The following AMBRA1 variants were observed in gnomAD, a reference collection of about 807,000 sequenced individuals.
The protein encoded by AMBRA1 is autophagy and beclin 1 regulator 1.
A neutral mutation model predicts 125.4 loss-of-function variants in AMBRA1; 47 were observed. The ratio of observed to expected loss-of-function variants is 0.37; its 90% confidence interval spans 0.30 to 0.48. The LOEUF is 0.48. Among genes scored for constraint, AMBRA1 ranks in the 20% least tolerant of loss-of-function variants. AMBRA1 has a pLI of 0.99. For synonymous variants in AMBRA1, 626 were observed against 655.5 expected (o/e 0.95, Z 0.69); for missense variants, 1,331 against 1,693.4 (o/e 0.79, Z 3.76).
chr11:46,583,670 A>C (rs866919128), intron 1 of AMBRA1, among the ~76,000 whole-genome samples: 2,285 of 144,058 alleles, frequency 0.016, 118 homozygotes, highest in African/African-American at 0.057. Flanking sequence ...AAAAAAAAAA[A>C]AAAAAAAAAC....
At chr11:46,545,546 A>G in intron 5 of AMBRA1, 58 bp downstream of exon 5, 1 of 1,564,938 alleles carries the variant, frequency 6.4e-7, no homozygotes, top group South Asian at 1.2e-5. Flanking sequence ...CAGCCAGTAG[A>G]ATGTTCTCTA....
At chr11:46,455,179 A>C (rs1206419251) in intron 11 of AMBRA1, among the ~76,000 whole-genome samples, 2 of 152,112 alleles carry the variant, frequency 1.3e-5, no homozygotes, top group African/African-American at 4.8e-5. Flanking sequence ...AAGCCACTGC[A>C]CCCAGCATAG....
intron 1 of AMBRA1, among the ~76,000 whole-genome samples, chr11:46,554,591 T>G (rs1565291037): frequency 6.6e-6 from 1 of 152,124 alleles, no homozygotes; most frequent in East Asian, 1.9e-4. Flanking sequence ...AAGAAAAATA[T>G]TTGCTGTTGC....
intron 1 of AMBRA1, among the ~76,000 whole-genome samples, chr11:46,579,220 G>A (rs1347605980): frequency 2.0e-5 from 3 of 152,156 alleles, no homozygotes; most frequent in African/African-American, 2.4e-5. Flanking sequence ...CACTTTGGGA[G>A]GCTGAGGCAG....
chr11:46,442,762 C>A (rs746635538), intron 12 of AMBRA1, among the ~76,000 whole-genome samples: 63 of 152,132 alleles, frequency 4.1e-4, no homozygotes, highest in Non-Finnish European at 4.9e-4. Flanking sequence ...CATAGAATAT[C>A]TTAATTATTT....
At chr11:46,437,616 T>C (rs1313859477) in intron 12 of AMBRA1, among the ~76,000 whole-genome samples, 1 of 152,246 alleles carries the variant, frequency 6.6e-6, no homozygotes, top group African/African-American at 2.4e-5. Flanking sequence ...GAAAAGGAAA[T>C]GTTCAGTTAC....
Position 46,547,032 on chromosome 11 carries a change from C to A in AMBRA1, c.378+81G>T, listed in dbSNP as rs546142956. 1.5e-5 allele frequency: 20 copies of A among 1,378,912 alleles called. No individual in the cohort carries two copies. The East Asian group carries it at 4.5e-4, about 31-fold the overall frequency. 85.4% of individuals were successfully genotyped at this position (1,378,912 alleles called of 1,614,324 possible). ...GTTGCAGCGAGCCAAGATCACACCA[C>A]TGGGCAACAGAGCGAGACTCCGTCT... On this transcript the variant is annotated intron_variant, in intron 4 of 17. Transcript: ENST00000683756.
intron 11 of AMBRA1, among the ~76,000 whole-genome samples, chr11:46,479,817 C>CATG (rs1411487368): frequency 1.8e-4 from 27 of 152,150 alleles, no homozygotes; most frequent in Non-Finnish European, 1.3e-4. Flanking sequence ...ATGTGTGAAA[C>CATG]TATCTGTTAT....
At chr11:46,484,982 G>A (rs1950215118) in intron 11 of AMBRA1, among the ~76,000 whole-genome samples, 1 of 150,822 alleles carries the variant, frequency 6.6e-6, no homozygotes, top group Non-Finnish European at 1.5e-5. Flanking sequence ...TTGTCCCCCA[G>A]GCTGGAGTGC....
chr11:46,428,629 A>G (rs1471348423), intron 14 of AMBRA1: 5 of 1,579,020 alleles, frequency 3.2e-6, no homozygotes, highest in Middle Eastern at 2.3e-4. Flanking sequence ...AAGTTTATTC[A>G]ATGCAAAAGA....
chr11:46,401,208 T>C (rs1945739114), intron 17 of AMBRA1, among the ~76,000 whole-genome samples: 1 of 152,076 alleles, frequency 6.6e-6, no homozygotes, highest in Non-Finnish European at 1.5e-5. Flanking sequence ...CCTGCTGGCA[T>C]TGGAGTGCAC....
intron 14 of AMBRA1, among the ~76,000 whole-genome samples, chr11:46,424,945 A>C (rs1160522510): frequency 3.9e-5 from 6 of 152,030 alleles, no homozygotes; most frequent in Admixed American, 3.9e-4. Context: ...GACCAGCCTG[A>C]CCAAGATGGT....
At chr11:46,405,332 G>A (rs1164606884) in intron 17 of AMBRA1, among the ~76,000 whole-genome samples, 1 of 152,108 alleles carries the variant, frequency 6.6e-6, no homozygotes, top group Non-Finnish European at 1.5e-5. Context: ...TCTAGACTGC[G>A]AGCTCCTCAT....
intron 11 of AMBRA1, among the ~76,000 whole-genome samples, chr11:46,468,295 TAGG>T (rs1001219653): frequency 3.3e-5 from 5 of 151,044 alleles, no homozygotes; most frequent in Non-Finnish European, 5.9e-5. Context: ...CCAAGCACCT[TAGG>T]AGGTGCCAAG....
rs1260479272 is a variant in AMBRA1, at chr11:46,413,127, G to C, written c.3117-2759C>G. ...ACAAGAAGGCCTTCTGTCTGAGCTGGGACTGTCAGCATAATGCTGGTGGCC... is the reference window on the plus strand; with the variant it reads ...ACAAGAAGGCCTTCTGTCTGAGCTGCGACTGTCAGCATAATGCTGGTGGCC... On this transcript the variant is annotated intron_variant, in intron 15 of 17. Transcript: ENST00000683756. Among the ~76,000 whole-genome samples, 8 of 152,314 alleles carry C rather than the reference G, an allele frequency of 5.3e-5. No individual in the cohort carries two copies. The South Asian group carries it at 8.3e-4, about 16-fold the overall frequency.
At chr11:46,444,526 G>T (rs1948181356) in intron 11 of AMBRA1, among the ~76,000 whole-genome samples, 1 of 152,108 alleles carries the variant, frequency 6.6e-6, no homozygotes, top group African/African-American at 2.4e-5. Flanking sequence ...AAACCCTGTT[G>T]GAAGAATAGA....
At chr11:46,505,182 G>A (rs761286047) in intron 9 of AMBRA1, among the ~76,000 whole-genome samples, 14 of 152,148 alleles carry the variant, frequency 9.2e-5, no homozygotes, top group Non-Finnish European at 1.6e-4. Flanking sequence ...AATATAAATC[G>A]TGACTGCACA....
intron 11 of AMBRA1, among the ~76,000 whole-genome samples, chr11:46,486,117 G>A (rs1950259635): frequency 6.6e-6 from 1 of 152,156 alleles, no homozygotes; most frequent in South Asian, 2.1e-4. Flanking sequence ...AATTATTAAA[G>A]CAGCACTACC....
intron 7 of AMBRA1, among the ~76,000 whole-genome samples, chr11:46,524,043 T>C (rs888036695): frequency 6.6e-6 from 1 of 152,120 alleles, no homozygotes; most frequent in Non-Finnish European, 1.5e-5. Context: ...TAATTTTGTA[T>C]TTTTAGTAGA....
Sources: allele counts gnomAD v4.1 joint callset (sites outside exome capture counted in the v4.1 genomes callset), GRCh38; gene constraint gnomAD v4.1.1; transcripts MANE v1.5; gene names NCBI Gene and HGNC (gene_info 2026-07-23, HGNC 2026-07-21).